KLHL30: variants seen among roughly 807,000 people sequenced by gnomAD.
KLHL30 encodes kelch like family member 30, also known as kelch-like protein 30.
A neutral mutation model predicts 55.0 loss-of-function variants in KLHL30; 55 were observed. The observed-to-expected ratio is 1.00, with a 90% CI of 0.80 to 1.25. KLHL30 has a LOEUF of 1.25. KLHL30 is among the 50% of genes most tolerant of loss of function. The pLI, the probability that KLHL30 is intolerant of heterozygous loss-of-function variation, is 0.00. For synonymous variants in KLHL30, 356 were observed against 372.6 expected (o/e 0.96, Z 0.51); for missense variants, 786 against 811.6 (o/e 0.97, Z 0.38).
chr2:238,142,647 G>A (rs929117820), intron 2 of KLHL30, among the ~76,000 whole-genome samples, 152 bp from the exon 3 acceptor site: 2 of 152,198 alleles, frequency 1.3e-5, no homozygotes, highest in African/African-American at 4.8e-5. Context: ...CATGGTGCAA[G>A]GAGGGAGCAG....
At chr2:238,140,117 C>T (rs949391749) in intron 1 of KLHL30, among the ~76,000 whole-genome samples, 1 of 152,234 alleles carries the variant, frequency 6.6e-6, no homozygotes, top group African/African-American at 2.4e-5. Context: ...GTGACTGAAA[C>T]CTTCTGTGCC....
At position 238,145,729 on chromosome 2, in the gene KLHL30, C is replaced by T; in HGVS notation, c.1047C>T (p.Cys349=). The change falls in exon 5 of 8, where the codon TGC becomes TGT. Residue 349 remains cysteine, a synonymous_variant. Transcript: ENST00000409223. ...CCTGGTCAACCACCCAGGCCTGGTGCTTCCCCCTGAAGGAGGCCTCCTGGA... is the reference window on the plus strand; with the variant it reads ...CCTGGTCAACCACCCAGGCCTGGTGTTTCCCCCTGAAGGAGGCCTCCTGGA... ...TDTWSTTQAW[C]FPLKEASWKP... 1 of 1,594,636 alleles carries T rather than the reference C, an allele frequency of 6.3e-7. No homozygotes were observed. Among genetic ancestry groups the T allele is most frequent in the Non-Finnish European group, 8.5e-7 (1 of 1,172,016 alleles).
chr2:238,151,165 C>G lies in KLHL30; in HGVS notation c.*100C>G. On this transcript the variant is annotated 3_prime_UTR_variant, in exon 8 of 8. Transcript: ENST00000409223. ...TCGCTTATTTGTTCACTCGGAGCTA[C>G]CATTCCTTCCAAGCTGCGCTCAGGC... 3.4e-6 allele frequency: 5 copies of G among 1,451,498 alleles called. No homozygotes were observed. The highest frequency in any genetic ancestry group is 5.0e-4 in the Middle Eastern group (2 of 4,010). 89.9% of individuals were successfully genotyped at this position (1,451,498 alleles called of 1,614,324 possible).
rs1692564648 is a variant in KLHL30 at position 238,142,743 on chromosome 2, G to A, written c.775-56G>A. The A allele has an allele frequency of 1.2e-5, 16 of 1,340,600 alleles. No individual in the cohort carries two copies. The South Asian group carries it at 2.4e-4, about 20-fold the overall frequency. The allele number at this position is 1,340,600 out of a possible 1,614,324, so 83.0% of individuals were successfully genotyped here. ...TGAGGCCTGCCCAGGACACGCGGGGGCTCAGGGCATGGGGACACATTGCTG... is the reference window on the plus strand; with the variant it reads ...TGAGGCCTGCCCAGGACACGCGGGGACTCAGGGCATGGGGACACATTGCTG... On this transcript the variant is annotated intron_variant, in intron 2 of 7. Transcript: ENST00000409223.
chr2:238,145,385 G>A (rs1018172325), intron 4 of KLHL30, among the ~76,000 whole-genome samples: 1 of 152,154 alleles, frequency 6.6e-6, no homozygotes, highest in Non-Finnish European at 1.5e-5. Context: ...TGTTGCAGGG[G>A]TCACTTTGCT....
At chr2:238,146,991 G>T (rs1434491662) in intron 5 of KLHL30, among the ~76,000 whole-genome samples, 1 of 141,034 alleles carries the variant, frequency 7.1e-6, no homozygotes, top group African/African-American at 2.6e-5. Flanking sequence ...AGGTGACAGG[G>T]TGAGACTCCA....
At chr2:238,149,481 A>G (rs1692713443) in intron 7 of KLHL30, among the ~76,000 whole-genome samples, 1 of 152,180 alleles carries the variant, frequency 6.6e-6, no homozygotes, top group African/African-American at 2.4e-5. Flanking sequence ...CAAGGTGACA[A>G]TAGTGCCCTG....
rs1692623551 is a variant in KLHL30, at chr2:238,145,076, AG to A, written c.994+91del. 9 of 1,087,706 alleles carry A rather than the reference AG, an allele frequency of 8.3e-6. 1 individual carries two copies. In the South Asian group the frequency reaches 1.2e-4, roughly 15 times the overall value. 67.4% of individuals were successfully genotyped at this position (1,087,706 alleles called of 1,614,324 possible). On this transcript the variant is annotated intron_variant, in intron 4 of 7. Transcript: ENST00000409223. Reference sequence around the variant, plus strand: ...CTCCCCGCACTCCGTGGGGTCCCTGAGGGTTAGTCAAGGCTTGCCGAGGCCT... The same window carrying A: ...CTCCCCGCACTCCGTGGGGTCCCTGAGGTTAGTCAAGGCTTGCCGAGGCCT...
At chr2:238,139,202 C>T (rs1388914831) in intron 1 of KLHL30, among the ~76,000 whole-genome samples, 2 of 152,212 alleles carry the variant, frequency 1.3e-5, no homozygotes, top group African/African-American at 4.8e-5. Flanking sequence ...GAAGTGGGGG[C>T]GCTCATGCGT....
chr2:238,143,135 C>T (rs543085625), intron 3 of KLHL30, among the ~76,000 whole-genome samples: 35 of 152,296 alleles, frequency 2.3e-4, no homozygotes, highest in African/African-American at 7.7e-4. Context: ...GGCTGGCGGG[C>T]ACTGCTGCTC....
rs1692663440 is a variant in KLHL30 at position 238,147,179 on chromosome 2, A to G, written c.1151-655A>G. 6.6e-6 allele frequency among the ~76,000 whole-genome samples: 1 copy of G among 151,982 alleles called. No homozygotes were observed. The highest frequency in any genetic ancestry group is 2.4e-5 in the African/African-American group (1 of 41,486). Reference sequence around the variant, plus strand: ...AAAAAAAGAAAGAAAAGAAAAACAAAACACATGGGGCCCAAAAGCTCTGTA... The same window carrying G: ...AAAAAAAGAAAGAAAAGAAAAACAAGACACATGGGGCCCAAAAGCTCTGTA... On this transcript the variant is annotated intron_variant, in intron 5 of 7. Coordinates refer to ENST00000409223, the MANE Select transcript of KLHL30 (RefSeq NM_198582.4). The surrounding 1 kb of genome is among the most constrained non-coding windows in gnomAD (Gnocchi z 5.8).
intron 4 of KLHL30, 142 bp from the exon 5 acceptor site, chr2:238,145,535 G>A (rs1005318865): frequency 1.3e-5 from 12 of 908,456 alleles, no homozygotes; most frequent in East Asian, 7.9e-5. Flanking sequence ...GCTCGGCTGC[G>A]CTACCCTGGT....
chr2:238,141,302 T>G lies in KLHL30; in HGVS notation c.548T>G (p.Leu183Arg). The change falls in exon 2 of 8, where the codon CTG (leucine) becomes CGG (arginine). Residue 183 changes from leucine to arginine, a missense_variant. Transcript: ENST00000409223. ...CCCCGAGAGCGGCTGGTCACTTGTC[T>G]GGCCGGCGACCTGCTGCAGGTACAG... ...QLPRERLVTCLAGDLLQVQPE... is the reference protein window; with the variant it reads ...QLPRERLVTCRAGDLLQVQPE... 1.9e-6 allele frequency: 3 copies of G among 1,598,016 alleles called. No homozygotes were observed. Among genetic ancestry groups the G allele is most frequent in the Non-Finnish European group, 2.6e-6 (3 of 1,175,532 alleles).
rs1410982347 is a variant in KLHL30 at position 238,145,732 on chromosome 2, C to T, written c.1050C>T (p.Phe350=). Residue 350 remains phenylalanine (F), a synonymous_variant, in exon 5 of 8, where the codon TTC becomes TTT. Transcript: ENST00000409223. The part of the protein sequence containing the change: ...DTWSTTQAWC[F]PLKEASWKPV... ...GGTCAACCACCCAGGCCTGGTGCTT[C>T]CCCCTGAAGGAGGCCTCCTGGAAGC... 1 of 1,595,746 alleles carries T rather than the reference C, an allele frequency of 6.3e-7. No individual in the cohort carries two copies.
In KLHL30 at chr2:238,141,477, G is replaced by C; in HGVS notation, c.723G>C (p.Leu241=). The change falls in exon 2 of 8, where the codon CTG becomes CTC. Residue 241 remains leucine (L), a synonymous_variant. Coordinates refer to ENST00000409223, the MANE Select transcript of KLHL30 (RefSeq NM_198582.4). ...CVQQLLASEP[L]IQESEACRAA... ...AGCAACTGCTGGCCTCAGAGCCCCT[G>C]ATCCAGGAGTCAGAGGCATGCCGGG... 1 of 1,505,180 alleles carries C rather than the reference G, an allele frequency of 6.6e-7. No homozygotes were observed. Among genetic ancestry groups the C allele is most frequent in the Non-Finnish European group, 8.8e-7 (1 of 1,133,114 alleles). 93.2% of individuals were successfully genotyped at this position (1,505,180 alleles called of 1,614,324 possible).
At chr2:238,144,406 G>A (rs149658216) in intron 3 of KLHL30, among the ~76,000 whole-genome samples, 23 of 122,442 alleles carry the variant, frequency 1.9e-4, no homozygotes, top group African/African-American at 6.1e-4. Flanking sequence ...AAGGAAGGAA[G>A]GAAGGAAGGA....
Position 238,147,737 on chromosome 2 carries a change from T to C in KLHL30, c.1151-97T>C. ...TGTGAAATGGGGAGCCCACCCCACC[T>C]CCCACCACTTTGCTGCCTTACAAAG... On this transcript the variant is annotated intron_variant, in intron 5 of 7. Coordinates refer to ENST00000409223, the MANE Select transcript of KLHL30 (RefSeq NM_198582.4). This position sits in a 1 kb window ranked among gnomAD's most constrained non-coding sequence, Gnocchi z 5.8. The C allele has an allele frequency of 2.7e-6, 2 of 730,888 alleles. No individual in the cohort carries two copies. Among genetic ancestry groups the C allele is most frequent in the Non-Finnish European group, 4.0e-6 (2 of 501,016 alleles). 45.3% of individuals were successfully genotyped at this position (730,888 alleles called of 1,614,324 possible). A position where few individuals can be genotyped will look rare whatever the true frequency, so the allele number is the denominator to read the frequency against.
chr2:238,151,352 GA>G lies in KLHL30; in HGVS notation c.*288del, dbSNP rs1302799009. The G allele has an allele frequency of 1.4e-5, 7 of 503,770 alleles. No individual in the cohort carries two copies. Among genetic ancestry groups the G allele is most frequent in the African/African-American group, 1.3e-4 (7 of 52,190 alleles). The allele number at this position is 503,770 out of a possible 1,614,324, so 31.2% of individuals were successfully genotyped here. A position where few individuals can be genotyped will look rare whatever the true frequency, so the allele number is the denominator to read the frequency against. ...CCCCTGGGGTTCCCGAGACCTCAGAGAGGGGAGCCGGGGGCCGGGCCAGCAT... is the reference window on the plus strand; with the variant it reads ...CCCCTGGGGTTCCCGAGACCTCAGAGGGGGAGCCGGGGGCCGGGCCAGCAT... On this transcript the variant is annotated 3_prime_UTR_variant, in exon 8 of 8. Transcript: ENST00000409223.
chr2:238,143,329 G>C (rs937535272), intron 3 of KLHL30, among the ~76,000 whole-genome samples: 2 of 152,248 alleles, frequency 1.3e-5, no homozygotes, highest in Non-Finnish European at 2.9e-5. Context: ...TGGGGTGGGG[G>C]GTGAAGGGGT....
Sources: allele counts gnomAD v4.1 joint callset (sites outside exome capture counted in the v4.1 genomes callset), GRCh38; gene constraint gnomAD v4.1.1; non-coding constraint Gnocchi (gnomAD v3.1); transcripts MANE v1.5; gene names NCBI Gene and HGNC (gene_info 2026-07-23, HGNC 2026-07-21).